The following C6 variants were observed in gnomAD, a reference collection of about 807,000 sequenced individuals.
The protein encoded by C6 is complement component C6.
A neutral mutation model predicts 112.9 loss-of-function variants in C6; 101 were observed. That is an observed-to-expected ratio of 0.89 (90% CI 0.76 to 1.06). The LOEUF (loss-of-function observed/expected upper bound fraction) is 1.06. C6 is among the 50% of genes least tolerant of loss of function. The pLI, the probability that C6 is intolerant of heterozygous loss-of-function variation, is 0.00. For missense variants in C6, 1,202 were observed against 1,104.6 expected, an observed-to-expected ratio of 1.09 and a Z score of -1.25; for synonymous variants, 431 against 384.1, an observed-to-expected ratio of 1.12 and a Z score of -1.43.
intron 13 of C6, among the ~76,000 whole-genome samples, chr5:41,157,465 A>G (rs1034816499): frequency 6.6e-6 from 1 of 152,228 alleles, no homozygotes; most frequent in Non-Finnish European, 1.5e-5. Flanking sequence ...GCCATATGGC[A>G]TCTGTTGAAA....
chr5:41,161,150 A>G (rs563316874), intron 10 of C6, among the ~76,000 whole-genome samples: 128 of 152,320 alleles, frequency 8.4e-4, no homozygotes, highest in African/African-American at 2.8e-3. Context: ...AAATATGGAT[A>G]TGTTTGGGGG....
In C6 at chr5:41,143,059, G is replaced by C. The variant is rs1745497696; in HGVS notation, c.2624-53C>G. On this transcript the variant is annotated intron_variant, in intron 17 of 17. Transcript: ENST00000337836. ...GACTTACCACAGTACATTAGGGTTTGGCTTTATCTAAATCATCCCCAGGGT... is the reference window on the plus strand; with the variant it reads ...GACTTACCACAGTACATTAGGGTTTCGCTTTATCTAAATCATCCCCAGGGT... The C allele has an allele frequency of 1.9e-6, 3 of 1,548,086 alleles. No homozygotes were observed. In the South Asian group the frequency reaches 3.4e-5, roughly 17 times the overall value.
chr5:41,191,376 A>C (rs1750201906), intron 5 of C6, among the ~76,000 whole-genome samples: 1 of 152,082 alleles, frequency 6.6e-6, no homozygotes, highest in South Asian at 2.1e-4. Flanking sequence ...CTTTTTGCTC[A>C]AGATTGCTTT....
chr5:41,209,032 T>C (rs897460619), intron 1 of C6, among the ~76,000 whole-genome samples: 1 of 152,202 alleles, frequency 6.6e-6, no homozygotes, highest in Non-Finnish European at 1.5e-5. Context: ...CACAATCAGG[T>C]TGGCTTCACC....
chr5:41,220,628 C>T (rs1047826625), intron 1 of C6, among the ~76,000 whole-genome samples: 1 of 152,042 alleles, frequency 6.6e-6, no homozygotes, highest in Non-Finnish European at 1.5e-5. Context: ...TTTTGATTTA[C>T]ATTTCTCTAG....
intron 5 of C6, among the ~76,000 whole-genome samples, chr5:41,187,082 A>G (rs1749831229): frequency 6.6e-6 from 1 of 152,174 alleles, no homozygotes; most frequent in Non-Finnish European, 1.5e-5. Context: ...AAAAATATAA[A>G]TTGTCAGTCT....
rs1473902961 is a variant in C6, at chr5:41,195,780, G to T, written c.587+12C>A. ...CCTGTTCTCCCCAAGATGATAAAAA[G>T]ATGTTACATACCCATTGCCCATCAA... On this transcript the variant is annotated intron_variant, in intron 5 of 17. Transcript: ENST00000337836. 2 of 1,612,900 alleles carry T rather than the reference G, an allele frequency of 1.2e-6. No individual in the cohort carries two copies. The highest frequency in any genetic ancestry group is 1.7e-6 in the Non-Finnish European group (2 of 1,179,674).
chr5:41,184,980 ATGT>A (rs1250242916), intron 6 of C6, among the ~76,000 whole-genome samples: 1 of 152,128 alleles, frequency 6.6e-6, no homozygotes, highest in Non-Finnish European at 1.5e-5. Context: ...CATGAAATAG[ATGT>A]TTGCTGAAAA....
At chr5:41,160,035 A>C in intron 11 of C6, 107 bp downstream of exon 11, 1 of 854,082 alleles carries the variant, frequency 1.2e-6, no homozygotes, top group Non-Finnish European at 2.0e-6. Flanking sequence ...GAGCCTGTAC[A>C]AGGTGGAGGT....
chr5:41,184,959 T>C (rs192952039), intron 6 of C6, among the ~76,000 whole-genome samples: 11 of 152,328 alleles, frequency 7.2e-5, no homozygotes, highest in African/African-American at 2.4e-4. Context: ...ATTTTGTTAC[T>C]TGTAAAACTA....
chr5:41,143,082 G>A, intron 17 of C6, 76 bp from the exon 18 acceptor site: 2 of 1,347,286 alleles, frequency 1.5e-6, no homozygotes, highest in Non-Finnish European at 2.1e-6. Context: ...TCATCCCCAG[G>A]GTGGCGAGCT....
intron 9 of C6, among the ~76,000 whole-genome samples, chr5:41,171,981 C>A (rs945562461): frequency 6.6e-6 from 1 of 152,088 alleles, no homozygotes; most frequent in African/African-American, 2.4e-5. Context: ...TGTCCATGAG[C>A]AAAATCAATA....
intron 1 of C6, among the ~76,000 whole-genome samples, chr5:41,244,846 CATGA>C (rs1740928733): frequency 6.6e-6 from 1 of 152,046 alleles, no homozygotes; most frequent in Admixed American, 6.5e-5. Flanking sequence ...AGTTTTAAAT[CATGA>C]ATGAGTTATG....
At chr5:41,219,700 C>A (rs1221999082) in intron 1 of C6, among the ~76,000 whole-genome samples, 1 of 152,148 alleles carries the variant, frequency 6.6e-6, no homozygotes, top group East Asian at 1.9e-4. Context: ...CAAAGAAAGA[C>A]ATGCTGTGTT....
rs572249680 is a variant in C6 at position 41,154,481 on chromosome 5, C to G, written c.2102-483G>C. Among the ~76,000 whole-genome samples, 5 of 152,354 alleles carry G rather than the reference C, an allele frequency of 3.3e-5. No homozygotes were observed. The East Asian group carries it at 9.6e-4, about 29-fold the overall frequency. On this transcript the variant is annotated intron_variant, in intron 14 of 17. Transcript: ENST00000337836. ...CACTTTACTCTAGCACAGATATGTG[C>G]AGAGCCTAAAGCTCATTCACTCTTT...
At chr5:41,193,840 G>T (rs954088571) in intron 5 of C6, among the ~76,000 whole-genome samples, 5 of 147,084 alleles carry the variant, frequency 3.4e-5, no homozygotes, top group Admixed American at 6.9e-5. Context: ...TGGATAGCAG[G>T]ATTGGAGAGG....
At chr5:41,190,568 C>T (rs935343032) in intron 5 of C6, among the ~76,000 whole-genome samples, 1 of 152,124 alleles carries the variant, frequency 6.6e-6, no homozygotes, top group Non-Finnish European at 1.5e-5. Flanking sequence ...GTTGTCTTTT[C>T]ACTCTGTTAC....
At chr5:41,257,193 G>A (rs1741769631) in intron 1 of C6, among the ~76,000 whole-genome samples, 1 of 151,850 alleles carries the variant, frequency 6.6e-6, no homozygotes, top group African/African-American at 2.4e-5. Context: ...GCTCAAGTAG[G>A]CCCTGGTGTC....
chr5:41,149,973 T>A lies in C6; in HGVS notation c.2343A>T (p.Gly781=), dbSNP rs760746837. 11 of 1,613,256 alleles carry A rather than the reference T, an allele frequency of 6.8e-6. No homozygotes were observed. Among genetic ancestry groups the A allele is most frequent in the Non-Finnish European group, 9.3e-6 (11 of 1,179,282 alleles). ...GHCQLGQKQS[G]SECICMSPEE... is the part of the protein sequence containing the mutation. Reference sequence around the variant, plus strand: ...CTGGAGACATACAAATGCATTCAGATCCTGATTGTTTCTGTCCCAGCTGAC... The same window carrying A: ...CTGGAGACATACAAATGCATTCAGAACCTGATTGTTTCTGTCCCAGCTGAC... The change falls in exon 16 of 18, where the codon GGA becomes GGT. Residue 781 remains glycine, a synonymous_variant. Coordinates refer to ENST00000337836, the MANE Select transcript of C6 (RefSeq NM_000065.5).
Sources: gnomAD v4.1 joint callset for allele counts (sites outside exome capture counted in the v4.1 genomes callset) on GRCh38, gnomAD v4.1.1 for gene constraint, MANE v1.5 for transcripts, NCBI Gene and HGNC (gene_info 2026-07-23, HGNC 2026-07-21) for gene names.